RTTN: variants seen among roughly 807,000 people sequenced by gnomAD.
RTTN encodes rotatin.
In RTTN, 182 loss-of-function variants were observed where a neutral mutation model predicts 269.2. The ratio of observed to expected loss-of-function variants is 0.68; its 90% CI spans 0.60 to 0.76. The LOEUF is 0.76. RTTN is among the 30% of genes least tolerant of loss of function. RTTN has a pLI of 0.00. For missense variants in RTTN, 2,545 were observed against 2,608.6 expected, an observed-to-expected ratio of 0.98 and a Z score of 0.53; for synonymous variants, 1,006 against 963.5, an observed-to-expected ratio of 1.04 and a Z score of -0.82.
intron 27 of RTTN, among the ~76,000 whole-genome samples, chr18:70,111,853 A>G (rs2059476184): frequency 6.6e-6 from 1 of 152,124 alleles, no homozygotes; most frequent in South Asian, 2.1e-4. Context: ...ACACATAATC[A>G]TCAGATTTAC....
Position 70,145,642 on chromosome 18 carries a change from T to G in RTTN, c.2451A>C (p.Arg817Ser). 6.2e-7 allele frequency: 1 copy of G among 1,611,006 alleles called. No homozygotes were observed. Reference sequence around the variant, plus strand: ...TAACCAGCTCTCTTCTGTCATCCAGTCTGAGTTCAATAGGTTTCTTCCCAA... The same window carrying G: ...TAACCAGCTCTCTTCTGTCATCCAGGCTGAGTTCAATAGGTTTCTTCCCAA... ...LFIGKKPIELRLDDRRELVIK... is the reference protein window; with the variant it reads ...LFIGKKPIELSLDDRRELVIK... Residue 817 changes from arginine to serine, a missense_variant, in exon 18 of 49, where the codon AGA (arginine) becomes AGC (serine). Transcript: ENST00000640769.
chr18:70,117,205 A>G (rs974916124), intron 26 of RTTN, among the ~76,000 whole-genome samples: 1 of 152,062 alleles, frequency 6.6e-6, no homozygotes, highest in African/African-American at 2.4e-5. Flanking sequence ...TGTTTTTGCA[A>G]CCACAACTTT....
At chr18:70,089,374 C>G (rs28492071) in intron 30 of RTTN, among the ~76,000 whole-genome samples, 2,023 of 152,304 alleles carry the variant, frequency 0.013, 43 homozygotes, top group African/African-American at 0.046. Flanking sequence ...GAAGAGTGCC[C>G]TACCAGAAAC....
intron 44 of RTTN, among the ~76,000 whole-genome samples, chr18:70,023,320 G>A (rs1283047572): frequency 6.6e-6 from 1 of 152,124 alleles, no homozygotes; most frequent in Non-Finnish European, 1.5e-5. Context: ...AAATTTTAGA[G>A]TAATTTCTTT....
rs372772678 is a variant in RTTN at position 70,028,843 on chromosome 18, C to T, written c.5746-42G>A. 48 of 1,362,312 alleles carry T rather than the reference C, an allele frequency of 3.5e-5. No individual in the cohort carries two copies. The Middle Eastern group carries it at 2.0e-3, about 56-fold the overall frequency. The allele number at this position is 1,362,312 out of a possible 1,614,324, so 84.4% of individuals were successfully genotyped here. A position where few individuals can be genotyped will look rare whatever the true frequency, so the allele number is the denominator to read the frequency against. On this transcript the variant is annotated intron_variant, in intron 42 of 48. Coordinates refer to ENST00000640769, the MANE Select transcript of RTTN (RefSeq NM_173630.4). ...CAGTTGAAAACTGTGAATGCAACAG[C>T]ATACTTCACTTTTTGTGTATAGTAA...
In RTTN at chr18:70,150,686, G is replaced by A; in HGVS notation, c.1977C>T (p.Cys659=). 1 of 1,609,362 alleles carries A rather than the reference G, an allele frequency of 6.2e-7. No homozygotes were observed. Among genetic ancestry groups the A allele is most frequent in the Non-Finnish European group, 8.5e-7 (1 of 1,176,028 alleles). The part of the protein sequence containing the change: ...HNVTKPVSSL[C]NGIHFLLHPK... The stretch of plus-strand genomic sequence containing the variant: ...GATGAAGTAGAAAATGAATTCCATT[G>A]CAAAGTGAAGACACGGGTTTAGTGA... The change falls in exon 15 of 49, where the codon TGC becomes TGT. Residue 659 remains cysteine (C), a synonymous_variant. Coordinates refer to ENST00000640769, the MANE Select transcript of RTTN (RefSeq NM_173630.4).
At chr18:70,192,725 A>C (rs1289598706) in intron 8 of RTTN, among the ~76,000 whole-genome samples, 1 of 150,546 alleles carries the variant, frequency 6.6e-6, no homozygotes, top group Non-Finnish European at 1.5e-5. Flanking sequence ...AAATACCATA[A>C]ATTGTTCACC....
chr18:70,118,906 CAATA>C (rs1458785402), intron 26 of RTTN, among the ~76,000 whole-genome samples: 1 of 151,992 alleles, frequency 6.6e-6, no homozygotes, highest in African/African-American at 2.4e-5. Flanking sequence ...TAAAAACTCT[CAATA>C]AATTAAGTAG....
At chr18:70,125,086 C>T (rs1230984588) in intron 25 of RTTN, among the ~76,000 whole-genome samples, 1 of 151,964 alleles carries the variant, frequency 6.6e-6, no homozygotes, top group Admixed American at 6.6e-5. Context: ...TAAAAACATA[C>T]ACATAAATTA....
intron 34 of RTTN, among the ~76,000 whole-genome samples, chr18:70,069,529 A>T (rs1275843951): frequency 6.6e-6 from 1 of 152,182 alleles, no homozygotes; most frequent in Non-Finnish European, 1.5e-5. Flanking sequence ...AAAATAGCAG[A>T]GTCATTTGCC....
At chr18:70,188,299 C>A in intron 9 of RTTN, 76 bp from the exon 10 acceptor site, 1 of 774,512 alleles carries the variant, frequency 1.3e-6, no homozygotes, top group South Asian at 1.6e-5. Flanking sequence ...TATCATATTG[C>A]TCAATTTTCT....
chr18:70,101,543 A>G (rs1040635923), intron 28 of RTTN, among the ~76,000 whole-genome samples: 11 of 151,786 alleles, frequency 7.2e-5, no homozygotes, highest in African/African-American at 2.7e-4. Flanking sequence ...GGATTCACCA[A>G]TTTTTTTTAA....
At chr18:70,190,313 T>C (rs938890465) in intron 9 of RTTN, among the ~76,000 whole-genome samples, 1 of 150,908 alleles carries the variant, frequency 6.6e-6, no homozygotes, top group Non-Finnish European at 1.5e-5. Flanking sequence ...CCTGTGCCAA[T>C]AAAAACTCAT....
chr18:70,151,525 A>C (rs1342490138), intron 14 of RTTN, among the ~76,000 whole-genome samples: 1 of 152,150 alleles, frequency 6.6e-6, no homozygotes, highest in East Asian at 1.9e-4. Flanking sequence ...TCTACTTCCT[A>C]TTATCAACAA....
At chr18:70,108,232 A>G (rs927681349) in intron 28 of RTTN, among the ~76,000 whole-genome samples, 22 of 151,950 alleles carry the variant, frequency 1.4e-4, no homozygotes, top group African/African-American at 5.3e-4. Flanking sequence ...AGCTGAGATC[A>G]TGCCATTGCA....
chr18:70,151,331 G>C (rs1421529934), intron 14 of RTTN, among the ~76,000 whole-genome samples: 1 of 150,714 alleles, frequency 6.6e-6, no homozygotes, highest in Non-Finnish European at 1.5e-5. Flanking sequence ...CCAACACTTA[G>C]AGTAACTATC....
chr18:70,109,131 G>A (rs922449854), intron 28 of RTTN, among the ~76,000 whole-genome samples: 9 of 152,138 alleles, frequency 5.9e-5, no homozygotes, highest in South Asian at 4.1e-4. Context: ...TGAGTATGCC[G>A]TATACAAAAT....
Position 70,088,087 on chromosome 18 carries a change from C to T in RTTN, c.4204G>A (p.Ala1402Thr). 1 of 1,613,920 alleles carries T rather than the reference C, an allele frequency of 6.2e-7. No individual in the cohort carries two copies. Among genetic ancestry groups the T allele is most frequent in the South Asian group, 1.1e-5 (1 of 91,072 alleles). The change falls in exon 31 of 49, where the codon GCC (alanine) becomes ACC (threonine). Residue 1402 changes from alanine to threonine, a missense_variant. Transcript: ENST00000640769. ...ALTTLETGCV[A>T]LANSCQNISG... ...ATGTTCTGACAACTGTTTGCTAAGG[C>T]CACACAGCCCGTTTCAAGGGTGGTC...
chr18:70,087,052 T>TACAC lies in RTTN; in HGVS notation c.4303-372_4303-369dup, dbSNP rs147330537. On this transcript the variant is annotated intron_variant, in intron 31 of 48. Coordinates refer to ENST00000640769, the MANE Select transcript of RTTN (RefSeq NM_173630.4). ...AGGTTTCTACTATCCCCTTTCAGAT[T>TACAC]ACACACACACACACACACAAACACA... 1.7e-4 allele frequency among the ~76,000 whole-genome samples: 25 copies of TACAC among 150,300 alleles called. No homozygotes were observed. The South Asian group carries it at 2.1e-3, about 13-fold the overall frequency.
Sources: gnomAD v4.1 joint callset for allele counts (sites outside exome capture counted in the v4.1 genomes callset) on GRCh38, gnomAD v4.1.1 for gene constraint, MANE v1.5 for transcripts, NCBI Gene and HGNC (gene_info 2026-07-23, HGNC 2026-07-21) for gene names.